Variants in COL28A1 observed in about 807,000 individuals in gnomAD.
COL28A1 encodes collagen alpha-1(XXVIII) chain.
Under a neutral mutation model 150.2 loss-of-function variants are expected in COL28A1, and 161 were observed. That is an observed-to-expected ratio of 1.07 (90% confidence interval 0.94 to 1.22). The LOEUF (loss-of-function observed/expected upper bound fraction) is 1.22, where lower values mean the gene tolerates loss of function less well. Among genes scored for constraint, COL28A1 ranks in the 50% most tolerant of loss-of-function variants. COL28A1 has a pLI of 0.00. For synonymous variants in COL28A1, 552 were observed against 469.7 expected, an observed-to-expected ratio of 1.18 and a Z score of -2.26; for missense variants, 1,617 against 1,388.3, an observed-to-expected ratio of 1.16 and a Z score of -2.62.
chr7:7,457,874 C>T lies in COL28A1; in HGVS notation c.1303-1762G>A, dbSNP rs114986882. On this transcript the variant is annotated intron_variant, in intron 15 of 34. Transcript: ENST00000399429. ...ATGGTTAACATGCTCATTTTAATGG[C>T]AGTTGTATTTAGACTACATTAGGGC... 5.4e-3 allele frequency among the ~76,000 whole-genome samples: 820 copies of T among 152,238 alleles called. 8 individuals carry two copies. Among genetic ancestry groups the T allele is most frequent in the African/African-American group, 0.019 (781 of 41,524 alleles).
At chr7:7,445,041 T>C (rs562793644) in intron 18 of COL28A1, among the ~76,000 whole-genome samples, 23 of 152,272 alleles carry the variant, frequency 1.5e-4, no homozygotes, top group Admixed American at 3.3e-4. Context: ...CATGTGAAGA[T>C]GTGCCTGCTT....
intron 15 of COL28A1, among the ~76,000 whole-genome samples, chr7:7,464,899 T>C (rs1787938475): frequency 6.6e-6 from 1 of 152,060 alleles, no homozygotes; most frequent in Admixed American, 6.5e-5. Flanking sequence ...TCAGCAAGAT[T>C]AACCAAGAAA....
chr7:7,423,830 T>C lies in COL28A1; in HGVS notation c.1999-3877A>G, dbSNP rs79588931. ...GCTATTCATTCTCTCCTTCACAGTC[T>C]CCCTTATTCACGTCCCCCTAACCCT... On this transcript the variant is annotated intron_variant, in intron 25 of 34. Transcript: ENST00000399429. Among the ~76,000 whole-genome samples, 1,161 of 152,236 alleles carry C rather than the reference T, an allele frequency of 7.6e-3. 17 individuals carry two copies. The highest frequency in any genetic ancestry group is 0.026 in the African/African-American group (1,078 of 41,540).
chr7:7,340,769 C>T, the COL28A1 span, among the ~76,000 whole-genome samples: 1 of 152,048 alleles, frequency 6.6e-6, no homozygotes, highest in East Asian at 1.9e-4. Context: ...CATATCCTTT[C>T]TCTGAGGCCA....
At chr7:7,374,108 C>T (rs542183312) in intron 31 of COL28A1, among the ~76,000 whole-genome samples, 4 of 148,152 alleles carry the variant, frequency 2.7e-5, no homozygotes, top group Admixed American at 2.0e-4. Context: ...CTTATGTGCT[C>T]GTTTCTTGGA....
At chr7:7,400,965 T>C (rs1783142710) in intron 27 of COL28A1, among the ~76,000 whole-genome samples, 2 of 142,110 alleles carry the variant, frequency 1.4e-5, no homozygotes, top group Non-Finnish European at 3.0e-5. Flanking sequence ...ATAGGACGTG[T>C]GGGTATTTGG....
chr7:7,455,840 T>G lies in COL28A1; in HGVS notation c.1371+204A>C, dbSNP rs910274051. 2.0e-5 allele frequency among the ~76,000 whole-genome samples: 3 copies of G among 152,228 alleles called. No homozygotes were observed. The East Asian group carries it at 5.8e-4, about 29-fold the overall frequency. The stretch of plus-strand genomic sequence containing the variant: ...ACAGCATCAAGAAACACACTACTTA[T>G]TTTTTAAGCCTTTGGAAGTTCTAAA... On this transcript the variant is annotated intron_variant, in intron 16 of 34. Coordinates refer to ENST00000399429, the MANE Select transcript of COL28A1 (RefSeq NM_001037763.3).
chr7:7,427,185 A>G (rs1347804601), intron 25 of COL28A1, among the ~76,000 whole-genome samples: 3 of 152,222 alleles, frequency 2.0e-5, no homozygotes, highest in Non-Finnish European at 2.9e-5. Flanking sequence ...GATCAGGCAT[A>G]TAACTGCATT....
the COL28A1 span, among the ~76,000 whole-genome samples, chr7:7,541,427 G>C: frequency 6.6e-6 from 1 of 152,036 alleles, no homozygotes; most frequent in Admixed American, 6.6e-5. Flanking sequence ...TATAGATTTT[G>C]AAATCACATA....
At chr7:7,493,186 C>T (rs568820319) in intron 11 of COL28A1, among the ~76,000 whole-genome samples, 87 of 151,628 alleles carry the variant, frequency 5.7e-4, no homozygotes, top group African/African-American at 2.1e-3. Context: ...TTTTTTATCC[C>T]TTCTATATGT....
Position 7,493,657 on chromosome 7 carries a change from C to T in COL28A1, c.1027-3011G>A, listed in dbSNP as rs190735383. 2.6e-5 allele frequency among the ~76,000 whole-genome samples: 4 copies of T among 152,192 alleles called. No individual in the cohort carries two copies. The East Asian group carries it at 7.7e-4, about 29-fold the overall frequency. Reference sequence around the variant, plus strand: ...TATTGGCCTATAGCTCATGTTTATTCCCTTCCCATTTCCCCTTTTTCTTTC... The same window carrying T: ...TATTGGCCTATAGCTCATGTTTATTTCCTTCCCATTTCCCCTTTTTCTTTC... On this transcript the variant is annotated intron_variant, in intron 11 of 34. Transcript: ENST00000399429.
chr7:7,488,088 G>T (rs562611659), intron 13 of COL28A1, among the ~76,000 whole-genome samples: 2 of 152,074 alleles, frequency 1.3e-5, no homozygotes, highest in African/African-American at 2.4e-5. Context: ...ATGTCAACCC[G>T]CAAAATCATA....
At chr7:7,495,639 A>G (rs923919170) in intron 11 of COL28A1, among the ~76,000 whole-genome samples, 1 of 152,098 alleles carries the variant, frequency 6.6e-6, no homozygotes, top group Non-Finnish European at 1.5e-5. Flanking sequence ...CACCATATGC[A>G]ACGCATCCCA....
chr7:7,370,883 C>A lies in COL28A1; in HGVS notation c.2909-1G>T, dbSNP rs1339510309. On this transcript the variant is annotated splice_acceptor_variant, in intron 32 of 34. Transcript: ENST00000399429. LOFTEE classifies it high-confidence loss of function. The stretch of plus-strand genomic sequence containing the variant: ...TGAAACAATTTTTGCTTCAGGGTGT[C>A]TTTTAAAAAAGAAGTAGAAAAGAGA... 1.3e-6 allele frequency: 2 copies of A among 1,596,880 alleles called. No homozygotes were observed. The highest frequency in any genetic ancestry group is 8.6e-7 in the Non-Finnish European group (1 of 1,166,830).
chr7:7,392,494 G>C (rs964762413), intron 27 of COL28A1, among the ~76,000 whole-genome samples: 1 of 152,112 alleles, frequency 6.6e-6, no homozygotes, highest in East Asian at 1.9e-4. Context: ...GGTGGTCTCT[G>C]TAATTTCTGA....
chr7:7,517,572 G>A (rs930499582), intron 7 of COL28A1, among the ~76,000 whole-genome samples: 1 of 152,126 alleles, frequency 6.6e-6, no homozygotes, highest in Non-Finnish European at 1.5e-5. Flanking sequence ...GAATTTGATA[G>A]GGTTGAACAC....
intron 25 of COL28A1, among the ~76,000 whole-genome samples, chr7:7,427,450 T>C (rs1455571763): frequency 6.6e-6 from 1 of 152,232 alleles, no homozygotes; most frequent in Non-Finnish European, 1.5e-5. Flanking sequence ...TGTTGGGCAC[T>C]GTTCAAAAAT....
intron 32 of COL28A1, among the ~76,000 whole-genome samples, chr7:7,371,548 C>T (rs1374426355): frequency 6.6e-6 from 1 of 152,230 alleles, no homozygotes; most frequent in Non-Finnish European, 1.5e-5. Context: ...CCAGCCACAT[C>T]AGACTCCACT....
intron 14 of COL28A1, among the ~76,000 whole-genome samples, chr7:7,475,869 C>T (rs1479026923): frequency 6.6e-6 from 1 of 152,048 alleles, no homozygotes; most frequent in East Asian, 1.9e-4. Flanking sequence ...TAGTAATATC[C>T]CTTTATCCAA....
Sources: allele counts gnomAD v4.1 joint callset (sites outside exome capture counted in the v4.1 genomes callset), GRCh38; gene constraint gnomAD v4.1.1; transcripts MANE v1.5; gene names NCBI Gene and HGNC (gene_info 2026-07-23, HGNC 2026-07-21).